The following BEND7 variants were observed in gnomAD, a reference collection of about 807,000 sequenced individuals.
BEND7 encodes BEN domain-containing protein 7.
In BEND7, 28 loss-of-function variants were observed where a neutral mutation model predicts 50.9. That is an observed-to-expected ratio of 0.55 (90% CI 0.41 to 0.75). BEND7 has a LOEUF of 0.75. Among genes scored for constraint, BEND7 ranks in the 30% least tolerant of loss-of-function variants. The pLI is 0.00. For missense variants in BEND7, 477 were observed against 491.3 expected (o/e 0.97, Z 0.28); for synonymous variants, 170 against 183.9 (o/e 0.92, Z 0.61).
At position 13,441,698 on chromosome 10, in the gene BEND7, A is replaced by G. The variant is rs1415309366; in HGVS notation, c.*45T>C. ...TGGGAGGCAGAGGACGGATTTTAAA[A>G]CCCATGGTGCAAAAAACACAAGAGC... On this transcript the variant is annotated 3_prime_UTR_variant, in exon 9 of 9. Transcript: ENST00000466271. 1 of 1,612,474 alleles carries G rather than the reference A, an allele frequency of 6.2e-7. No individual in the cohort carries two copies. The highest frequency in any genetic ancestry group is 1.7e-5 in the Admixed American group (1 of 59,694).
At chr10:13,458,037 A>G (rs936569355) in intron 6 of BEND7, among the ~76,000 whole-genome samples, 1 of 152,256 alleles carries the variant, frequency 6.6e-6, no homozygotes, top group Non-Finnish European at 1.5e-5. Flanking sequence ...AAACTAAATA[A>G]AAGAGCTAAA....
At position 13,529,005 on chromosome 10, in the gene BEND7, G is replaced by A. The variant is rs1218557492; in HGVS notation, c.-472C>T. The A allele has an allele frequency of 2.8e-4, 40 of 144,222 alleles. No homozygotes were observed. The highest frequency in any genetic ancestry group is 4.0e-4 in the Non-Finnish European group (26 of 64,888). 8.9% of individuals were successfully genotyped at this position (144,222 alleles called of 1,614,324 possible). A position where few individuals can be genotyped will look rare whatever the true frequency, so the allele number is the denominator to read the frequency against. On this transcript the variant is annotated 5_prime_UTR_variant, in exon 1 of 9. Transcript: ENST00000466271. ...AGACGCGGCGGGCGGGCTGCGGGGA[G>A]GGCGGCGGCGGGTGCAGAGCCGGCC...
At chr10:13,522,866 G>A (rs1456507742) in intron 2 of BEND7, among the ~76,000 whole-genome samples, 1 of 152,152 alleles carries the variant, frequency 6.6e-6, no homozygotes, top group Non-Finnish European at 1.5e-5. Context: ...ACATCTCTAG[G>A]CTCATCTACA....
intron 2 of BEND7, among the ~76,000 whole-genome samples, chr10:13,501,948 A>G (rs974750119): frequency 3.9e-5 from 6 of 152,196 alleles, no homozygotes; most frequent in African/African-American, 1.4e-4. Context: ...GAAAAGGCTA[A>G]CAGACAGCAT....
chr10:13,514,965 T>A (rs1368864974), intron 2 of BEND7, among the ~76,000 whole-genome samples: 1 of 152,230 alleles, frequency 6.6e-6, no homozygotes, highest in East Asian at 1.9e-4. Flanking sequence ...CTTCATAGTC[T>A]ATTCTATTGC....
chr10:13,449,400 C>G (rs1365712053), intron 7 of BEND7, among the ~76,000 whole-genome samples: 4 of 152,152 alleles, frequency 2.6e-5, no homozygotes, highest in Non-Finnish European at 5.9e-5. Context: ...GGACACTCTA[C>G]AAGGTGGGTC....
chr10:13,529,084 G>T (rs969631509), upstream of BEND7: 3 of 144,856 alleles, frequency 2.1e-5, no homozygotes, highest in South Asian at 2.1e-4. Context: ...GGGCGGTGCC[G>T]CTGGGACCCC....
intron 2 of BEND7, among the ~76,000 whole-genome samples, chr10:13,508,978 G>A (rs1589016187): frequency 6.6e-6 from 1 of 152,138 alleles, no homozygotes; most frequent in East Asian, 1.9e-4. Context: ...AAGAAGGAAC[G>A]CCAAGGATCC....
At chr10:13,520,184 A>C (rs2078986670) in intron 2 of BEND7, among the ~76,000 whole-genome samples, 1 of 152,166 alleles carries the variant, frequency 6.6e-6, no homozygotes, top group Non-Finnish European at 1.5e-5. Context: ...TTTCTCATAT[A>C]AAAGTAGAAA....
chr10:13,494,285 T>A (rs1034271187), intron 4 of BEND7, among the ~76,000 whole-genome samples: 1 of 152,046 alleles, frequency 6.6e-6, no homozygotes, highest in Non-Finnish European at 1.5e-5. Flanking sequence ...GGCATGGTGG[T>A]GGGCACCTGT....
chr10:13,506,974 C>T (rs572464746), intron 2 of BEND7, among the ~76,000 whole-genome samples: 2 of 152,034 alleles, frequency 1.3e-5, no homozygotes, highest in Non-Finnish European at 2.9e-5. Flanking sequence ...TGAAGAAAAT[C>T]TGGATAAAAG....
rs538705021 is a variant in BEND7, at chr10:13,506,143, A to G, written c.146-6063T>C. ...ATAATGGTCCTGGTTTTCCCGGCCC[A>G]CTGACCCCTGCCTCTTTTAACTGTG... On this transcript the variant is annotated intron_variant, in intron 2 of 8. Coordinates refer to ENST00000466271, the MANE Select transcript of BEND7 (RefSeq NM_001369863.1). 6.6e-5 allele frequency among the ~76,000 whole-genome samples: 10 copies of G among 152,152 alleles called. No individual in the cohort carries two copies. In the South Asian group the frequency reaches 8.3e-4, roughly 13 times the overall value.
chr10:13,467,842 C>A (rs992990940), intron 6 of BEND7, among the ~76,000 whole-genome samples: 4 of 152,174 alleles, frequency 2.6e-5, no homozygotes, highest in African/African-American at 9.7e-5. Context: ...AGAAGATAAA[C>A]TGACTGATTT....
chr10:13,520,073 C>G (rs2078979942), intron 2 of BEND7, among the ~76,000 whole-genome samples: 1 of 152,162 alleles, frequency 6.6e-6, no homozygotes, highest in South Asian at 2.1e-4. Context: ...CAGCATGGTA[C>G]AGTGGAAAGA....
intron 6 of BEND7, among the ~76,000 whole-genome samples, chr10:13,457,386 A>AT (rs1217422663): frequency 1.4e-4 from 21 of 152,208 alleles, no homozygotes; most frequent in Admixed American, 2.0e-4. Flanking sequence ...GTGTCTGGTT[A>AT]TTTTTTTCTA....
At chr10:13,523,958 G>A (rs1299305476) in intron 2 of BEND7, among the ~76,000 whole-genome samples, 1 of 152,210 alleles carries the variant, frequency 6.6e-6, no homozygotes, top group African/African-American at 2.4e-5. Context: ...GTCTCTTGAT[G>A]TTGAAGGCCT....
At chr10:13,465,252 G>T (rs2131355806) in intron 6 of BEND7, among the ~76,000 whole-genome samples, 1 of 152,328 alleles carries the variant, frequency 6.6e-6, no homozygotes, top group South Asian at 2.1e-4. Context: ...GTTCATTTCA[G>T]ATTCGGTTTG....
Position 13,441,440 on chromosome 10 carries a change from TC to T in BEND7, c.*302del. The T allele has an allele frequency of 8.7e-7, 1 of 1,153,306 alleles. No homozygotes were observed. Among genetic ancestry groups the T allele is most frequent in the Admixed American group, 5.1e-5 (1 of 19,550 alleles). 71.4% of individuals were successfully genotyped at this position (1,153,306 alleles called of 1,614,324 possible). On this transcript the variant is annotated 3_prime_UTR_variant, in exon 9 of 9. Transcript: ENST00000466271. ...ACGTATTTCCAGTGTGTAGATCCGT[TC>T]ATCGCACACATCTTTGGGTTGAACA...
intron 6 of BEND7, among the ~76,000 whole-genome samples, chr10:13,475,747 T>C (rs111833751): frequency 2.0e-5 from 3 of 152,338 alleles, no homozygotes; most frequent in African/African-American, 7.2e-5. Context: ...AACTGAAACA[T>C]CTTTCTTTCT....
Sources: allele counts gnomAD v4.1 joint callset (sites outside exome capture counted in the v4.1 genomes callset), GRCh38; gene constraint gnomAD v4.1.1; transcripts MANE v1.5; gene names NCBI Gene and HGNC (gene_info 2026-07-23, HGNC 2026-07-21).